NAALADL2: variants seen among roughly 807,000 people sequenced by gnomAD.
NAALADL2 encodes the protein inactive N-acetylated-alpha-linked acidic dipeptidase-like protein 2.
In NAALADL2, 76 loss-of-function variants were observed where a neutral mutation model predicts 87.2. That is an observed-to-expected ratio of 0.87 (90% CI 0.72 to 1.05). NAALADL2 has a LOEUF of 1.05. Among genes scored for constraint, NAALADL2 ranks in the 50% least tolerant of loss-of-function variants. The pLI, the probability that NAALADL2 is intolerant of heterozygous loss-of-function variation, is 0.00. For missense variants in NAALADL2, 1,089 were observed against 945.8 expected, an observed-to-expected ratio of 1.15 and a Z score of -1.99; for synonymous variants, 354 against 331.0, an observed-to-expected ratio of 1.07 and a Z score of -0.75.
At chr3:175,446,875 T>A (rs999439423) in intron 5 of NAALADL2, among the ~76,000 whole-genome samples, 4 of 152,194 alleles carry the variant, frequency 2.6e-5, no homozygotes, top group African/African-American at 9.6e-5. Flanking sequence ...GACACTTACA[T>A]ATCTGCTTTC....
intron 9 of NAALADL2, among the ~76,000 whole-genome samples, chr3:175,573,377 A>G (rs1227016058): frequency 6.6e-6 from 1 of 152,202 alleles, no homozygotes; most frequent in Non-Finnish European, 1.5e-5. Flanking sequence ...GAAAGTAAAG[A>G]CCAGATCTTA....
rs3040504 is a variant in NAALADL2, at chr3:175,481,335, C to CTGTGTGTGTGTGTGTGTGTG, written c.1653+9589_1653+9608dup. ...TTCTTTGTCATTACTAACAATGCCA[C>CTGTGTGTGTGTGTGTGTGTG]TGTGTGTGTGTGTGTGTGTGTGTGT... On this transcript the variant is annotated intron_variant, in intron 9 of 13. Transcript: ENST00000454872. 1.1e-3 allele frequency among the ~76,000 whole-genome samples: 153 copies of CTGTGTGTGTGTGTGTGTGTG among 143,984 alleles called. 1 individual carries two copies. Among genetic ancestry groups the CTGTGTGTGTGTGTGTGTGTG allele is most frequent in the African/African-American group, 3.5e-3 (139 of 39,176 alleles). The allele number at this position is 143,984 out of a possible 152,430, so 94.5% of individuals were successfully genotyped here.
At chr3:175,678,265 T>TA (rs2149872345) in intron 11 of NAALADL2, among the ~76,000 whole-genome samples, 1 of 152,202 alleles carries the variant, frequency 6.6e-6, no homozygotes, top group East Asian at 1.9e-4. Context: ...TGAGTTCAAG[T>TA]AAAAAATAGT....
At chr3:175,311,497 A>T (rs1363829502) in intron 4 of NAALADL2, among the ~76,000 whole-genome samples, 1 of 152,158 alleles carries the variant, frequency 6.6e-6, no homozygotes, top group Admixed American at 6.6e-5. Context: ...GTAAAATAAG[A>T]ATAATTCCAC....
chr3:175,183,718 A>G (rs1397711479), intron 2 of NAALADL2, among the ~76,000 whole-genome samples: 2 of 152,052 alleles, frequency 1.3e-5, no homozygotes, highest in Non-Finnish European at 2.9e-5. Context: ...AGTGTGCTGT[A>G]GAATTCAGTT....
At chr3:175,361,629 A>G (rs1407542574) in intron 5 of NAALADL2, among the ~76,000 whole-genome samples, 1 of 148,072 alleles carries the variant, frequency 6.8e-6, no homozygotes. Flanking sequence ...GATGATGAGC[A>G]TTTTTTCATG....
chr3:175,173,777 C>G (rs1012487378), intron 2 of NAALADL2, among the ~76,000 whole-genome samples: 1 of 152,216 alleles, frequency 6.6e-6, no homozygotes, highest in African/African-American at 2.4e-5. Flanking sequence ...TTGCATCCAT[C>G]TTTCTGTCTT....
intron 9 of NAALADL2, among the ~76,000 whole-genome samples, chr3:175,487,838 A>G (rs1727524665): frequency 6.6e-6 from 1 of 152,196 alleles, no homozygotes; most frequent in Non-Finnish European, 1.5e-5. Flanking sequence ...ACTTCTTGAC[A>G]AGGCATAGGA....
chr3:175,442,090 G>C (rs1473352391), intron 5 of NAALADL2, among the ~76,000 whole-genome samples: 1 of 151,886 alleles, frequency 6.6e-6, no homozygotes, highest in South Asian at 2.1e-4. Flanking sequence ...GACTACAGGC[G>C]CATGCCACCA....
chr3:174,500,735 C>T (rs1308117082), intron 1 of NAALADL2, among the ~76,000 whole-genome samples: 1 of 151,890 alleles, frequency 6.6e-6, no homozygotes, highest in Admixed American at 6.6e-5. Context: ...CATGTTTTTT[C>T]TTTATCAGTC....
chr3:174,462,986 C>T (rs941907894), intron 1 of NAALADL2, among the ~76,000 whole-genome samples: 1 of 152,118 alleles, frequency 6.6e-6, no homozygotes, highest in Non-Finnish European at 1.5e-5. Context: ...TTTAATTAGC[C>T]ATGGGAACAT....
intron 7 of NAALADL2, among the ~76,000 whole-genome samples, chr3:175,465,822 G>A (rs560878580): frequency 1.3e-5 from 2 of 152,124 alleles, no homozygotes; most frequent in Admixed American, 1.3e-4. Context: ...TTCCTGTGTG[G>A]AAAACTAAAA....
intron 5 of NAALADL2, among the ~76,000 whole-genome samples, chr3:175,376,215 C>T (rs770552280): frequency 1.5e-4 from 23 of 152,088 alleles, no homozygotes; most frequent in Admixed American, 3.3e-4. Flanking sequence ...CATTTCTTTT[C>T]GTATCTCTGA....
chr3:174,948,986 C>T (rs998019237), intron 1 of NAALADL2, among the ~76,000 whole-genome samples: 2 of 152,170 alleles, frequency 1.3e-5, no homozygotes, highest in African/African-American at 4.8e-5. Flanking sequence ...TCCTCATACA[C>T]AGTTGTCTTC....
intron 5 of NAALADL2, among the ~76,000 whole-genome samples, chr3:175,423,051 A>ATATATTTTT (rs1458599872): frequency 4.3e-4 from 39 of 91,506 alleles, no homozygotes; most frequent in Non-Finnish European, 7.5e-4. Flanking sequence ...ATATATATAT[A>ATATATTTTT]TTTTTTTTTT....
intron 11 of NAALADL2, among the ~76,000 whole-genome samples, chr3:175,687,567 T>C (rs1736468627): frequency 6.6e-6 from 1 of 152,166 alleles, no homozygotes; most frequent in South Asian, 2.1e-4. Flanking sequence ...AACAGAAGAC[T>C]CAGAACACTG....
intron 2 of NAALADL2, among the ~76,000 whole-genome samples, chr3:174,733,984 A>G (rs561311358): frequency 2.4e-4 from 36 of 152,268 alleles, no homozygotes; most frequent in South Asian, 1.7e-3. Flanking sequence ...AACAAATGTA[A>G]GCTTCAAGCT....
intron 2 of NAALADL2, among the ~76,000 whole-genome samples, chr3:174,734,071 C>A (rs577677999): frequency 6.6e-6 from 1 of 152,246 alleles, no homozygotes; most frequent in African/African-American, 2.4e-5. Flanking sequence ...GGGTTGGTTT[C>A]ACTTTTTCAT....
chr3:175,135,578 A>T (rs1728996545), intron 2 of NAALADL2, among the ~76,000 whole-genome samples: 1 of 152,186 alleles, frequency 6.6e-6, no homozygotes, highest in Admixed American at 6.5e-5. Flanking sequence ...AGGAAAAAAA[A>T]TCAGTCAAAA....
Sources: gnomAD v4.1 joint callset for allele counts (sites outside exome capture counted in the v4.1 genomes callset) on GRCh38, gnomAD v4.1.1 for gene constraint, MANE v1.5 for transcripts, NCBI Gene and HGNC (gene_info 2026-07-23, HGNC 2026-07-21) for gene names.